ZNF782: variants seen among roughly 807,000 people sequenced by gnomAD.
ZNF782 encodes zinc finger protein 782.
A neutral mutation model predicts 13.0 loss-of-function variants in ZNF782; 12 were observed. That is an observed-to-expected ratio of 0.92 (90% confidence interval 0.59 to 1.50). The LOEUF (loss-of-function observed/expected upper bound fraction) is 1.50, where lower values mean the gene tolerates loss of function less well. Among genes scored for constraint, ZNF782 ranks in the 40% most tolerant of loss-of-function variants. The pLI is 0.00. For synonymous variants in ZNF782, 284 were observed against 283.0 expected (o/e 1.00, Z -0.04); for missense variants, 770 against 822.9 (o/e 0.94, Z 0.79).
chr9:96,845,411 T>C (rs77471045), intron 3 of ZNF782, among the ~76,000 whole-genome samples: 4,285 of 152,230 alleles, frequency 0.028, 202 homozygotes, highest in African/African-American at 0.096. Flanking sequence ...TACAGGTGCA[T>C]GCCACCACAC....
At chr9:96,833,427 A>G (rs72745895) in intron 4 of ZNF782, among the ~76,000 whole-genome samples, 2,533 of 152,260 alleles carry the variant, frequency 0.017, 34 homozygotes, top group Non-Finnish European at 0.025. Flanking sequence ...ATTTTGGGTC[A>G]CCTTGACAGT....
At position 96,845,015 on chromosome 9, in the gene ZNF782, G is replaced by A; in HGVS notation, c.17C>T (p.Ala6Val). Residue 6 changes from alanine (A) to valine (V), a missense_variant and splice_region_variant, in exon 4 of 6, where the codon GCA (alanine) becomes GTA (valine). Physicochemically the swap from Ala to Val is moderately conservative, Grantham distance 64 (BLOSUM62 0). Transcript: ENST00000481138. The part of the protein sequence containing the change: MNTFQ[A>V]SVSFQDVTVE... ...AGTCACGTCCTGGAATGACACTGAT[G>A]CCTGTAACAGCGCATTTCTAATTAA... The A allele has an allele frequency of 6.2e-7, 1 of 1,613,908 alleles. No individual in the cohort carries two copies. The highest frequency in any genetic ancestry group is 1.1e-5 in the South Asian group (1 of 91,080).
At chr9:96,835,913 G>A (rs1460900104) in intron 4 of ZNF782, among the ~76,000 whole-genome samples, 1 of 152,224 alleles carries the variant, frequency 6.6e-6, no homozygotes, top group African/African-American at 2.4e-5. Context: ...TGGAGCTTCA[G>A]GATTAGGGCC....
At chr9:96,919,916 G>A in the ZNF782 span, among the ~76,000 whole-genome samples, 3 of 151,172 alleles carry the variant, frequency 2.0e-5, no homozygotes, top group South Asian at 2.1e-4. Context: ...GACTAGCAAG[G>A]GCATCAACTT....
At position 96,836,144 on chromosome 9, in the gene ZNF782, T is replaced by G. The variant is rs543171688; in HGVS notation, c.142+8746A>C. Among the ~76,000 whole-genome samples the G allele has an allele frequency of 1.1e-4, 16 of 152,314 alleles. No individual in the cohort carries two copies. In the South Asian group the frequency reaches 3.3e-3, roughly 32 times the overall value. On this transcript the variant is annotated intron_variant, in intron 4 of 5. Coordinates refer to ENST00000481138, the MANE Select transcript of ZNF782 (RefSeq NM_001001662.3). ...AGGAGACTATTCTGGAGCTTTCAAATTTAATGTCTGCCCTGCTGGGTTTCA... is the reference window on the plus strand; with the variant it reads ...AGGAGACTATTCTGGAGCTTTCAAAGTTAATGTCTGCCCTGCTGGGTTTCA...
chr9:96,893,112 T>C, the ZNF782 span: 2 of 152,244 alleles, frequency 1.3e-5, no homozygotes, highest in African/African-American at 4.8e-5. Flanking sequence ...AAAACACTTA[T>C]GTGCTCACAA....
At chr9:96,912,798 G>A in the ZNF782 span, among the ~76,000 whole-genome samples, 1 of 151,470 alleles carries the variant, frequency 6.6e-6, no homozygotes, top group African/African-American at 2.4e-5. Context: ...ATGTGCTGGG[G>A]TTACAGGCGT....
the ZNF782 span, among the ~76,000 whole-genome samples, chr9:96,918,078 T>A: frequency 2.0e-5 from 3 of 151,148 alleles, no homozygotes; most frequent in Non-Finnish European, 3.0e-5. Context: ...TAAAGTCATT[T>A]TATGGGAGAA....
At position 96,847,908 on chromosome 9, in the gene ZNF782, T is replaced by A. The variant is rs137953318; in HGVS notation, c.16-2892A>T. ...GACCAATATCCCTGATGAACATAGA[T>A]GCAAAAATCCTCAACAAAACACTAG... On this transcript the variant is annotated intron_variant, in intron 3 of 5. Coordinates refer to ENST00000481138, the MANE Select transcript of ZNF782 (RefSeq NM_001001662.3). Among the ~76,000 whole-genome samples the A allele has an allele frequency of 1.4e-4, 22 of 152,276 alleles. 1 individual carries two copies. In the East Asian group the frequency reaches 4.2e-3, roughly 29 times the overall value.
intron 1 of ZNF782, among the ~76,000 whole-genome samples, chr9:96,874,415 G>C (rs74840957): frequency 6.6e-6 from 1 of 152,168 alleles, no homozygotes; most frequent in Non-Finnish European, 1.5e-5. Context: ...TCTTTCAAGA[G>C]TGGGAGTTGT....
At chr9:96,866,643 A>G (rs776028335) in intron 1 of ZNF782, among the ~76,000 whole-genome samples, 3 of 152,210 alleles carry the variant, frequency 2.0e-5, no homozygotes, top group Non-Finnish European at 4.4e-5. Context: ...TTCAGACCCC[A>G]GAATGGTAGA....
chr9:96,858,051 A>G (rs1277908163), upstream of ZNF782, among the ~76,000 whole-genome samples: 1 of 152,178 alleles, frequency 6.6e-6, no homozygotes, highest in Non-Finnish European at 1.5e-5. This position sits in a 1 kb window ranked among gnomAD's most constrained non-coding sequence, Gnocchi z 4.4. Context: ...TAAGGTGCAC[A>G]TGTCTGGCCT....
At chr9:96,917,677 G>A in the ZNF782 span, among the ~76,000 whole-genome samples, 4 of 151,460 alleles carry the variant, frequency 2.6e-5, no homozygotes, top group African/African-American at 4.8e-5. Context: ...TGATCCACCC[G>A]CCTCAGCCTC....
intron 4 of ZNF782, 132 bp from the exon 5 acceptor site, chr9:96,827,313 A>G: frequency 1.9e-6 from 1 of 528,736 alleles, no homozygotes; most frequent in Non-Finnish European, 3.2e-6. Flanking sequence ...AAGTAACCAC[A>G]AAAAACATTT....
upstream of ZNF782, among the ~76,000 whole-genome samples, chr9:96,876,643 C>A (rs968074574): frequency 6.6e-6 from 1 of 151,990 alleles, no homozygotes; most frequent in Non-Finnish European, 1.5e-5. Flanking sequence ...TGACCCTGAC[C>A]AACAGGGTTT....
At position 96,817,977 on chromosome 9, in the gene ZNF782, A is replaced by G; in HGVS notation, c.2046T>C (p.Thr682=). Residue 682 remains threonine, a synonymous_variant, in exon 6 of 6, where the codon ACT becomes ACC. Transcript: ENST00000481138. ...CTCTAAGGCTTGATTTTTGACTGAA[A>G]GTTCTCCCACATTTATCACATTTAT... is the stretch of plus-strand genomic sequence containing the variant. ...KPYKCDKCGR[T]FSQKSSLREH... 1.2e-6 allele frequency: 2 copies of G among 1,605,570 alleles called. No homozygotes were observed. The highest frequency in any genetic ancestry group is 1.7e-6 in the Non-Finnish European group (2 of 1,176,682).
At chr9:96,865,212 A>T (rs1851742461) in intron 1 of ZNF782, among the ~76,000 whole-genome samples, 1 of 152,168 alleles carries the variant, frequency 6.6e-6, no homozygotes, top group South Asian at 2.1e-4. Flanking sequence ...TTTCATTTCC[A>T]ACTCGGGAGA....
At chr9:96,925,192 G>A in the ZNF782 span, among the ~76,000 whole-genome samples, 8 of 152,118 alleles carry the variant, frequency 5.3e-5, no homozygotes, top group African/African-American at 9.7e-5. Flanking sequence ...CGCCCGCCTC[G>A]AGGCTCCTAC....
In ZNF782 at chr9:96,817,875, G is replaced by A; in HGVS notation, c.*48C>T. The A allele has an allele frequency of 6.7e-7, 1 of 1,483,514 alleles. No individual in the cohort carries two copies. Among genetic ancestry groups the A allele is most frequent in the Non-Finnish European group, 9.0e-7 (1 of 1,106,462 alleles). 91.9% of individuals were successfully genotyped at this position (1,483,514 alleles called of 1,614,324 possible). The stretch of plus-strand genomic sequence containing the variant: ...TGTGTGTTCATTTATGTATTGTGAG[G>A]TTTGATTTCCAGCTCAGAGTTTTTT... On this transcript the variant is annotated 3_prime_UTR_variant, in exon 6 of 6. Coordinates refer to ENST00000481138, the MANE Select transcript of ZNF782 (RefSeq NM_001001662.3).
Sources: gnomAD v4.1 joint callset for allele counts (sites outside exome capture counted in the v4.1 genomes callset) on GRCh38, gnomAD v4.1.1 for gene constraint, Gnocchi (gnomAD v3.1) non-coding constraint, MANE v1.5 for transcripts, NCBI Gene and HGNC (gene_info 2026-07-23, HGNC 2026-07-21) for gene names.